ZBED4: variants seen among roughly 807,000 people sequenced by gnomAD.
The protein encoded by ZBED4 is zinc finger BED-type containing 4.
In ZBED4, 4 loss-of-function variants were observed where a neutral mutation model predicts 15.5. The observed-to-expected ratio is 0.26, with a 90% CI of 0.13 to 0.59. The LOEUF (loss-of-function observed/expected upper bound fraction) is 0.59, where lower values mean the gene tolerates loss of function less well. ZBED4 is among the 20% of genes least tolerant of loss of function. The probability of loss-of-function intolerance (pLI) is 0.90; values close to 1 mark genes in which losing one functional copy is unlikely to be tolerated. For synonymous variants in ZBED4, 692 were observed against 608.5 expected, an observed-to-expected ratio of 1.14 and a Z score of -2.02; for missense variants, 1,323 against 1,461.8, an observed-to-expected ratio of 0.91 and a Z score of 1.55.
At chr22:49,867,717 A>G (rs903431273) in intron 1 of ZBED4, among the ~76,000 whole-genome samples, 3 of 151,832 alleles carry the variant, frequency 2.0e-5, no homozygotes, top group South Asian at 4.1e-4. Flanking sequence ...CAGCTGCCAG[A>G]TCTAATACCA....
intron 1 of ZBED4, among the ~76,000 whole-genome samples, chr22:49,875,582 G>A (rs1401516149): frequency 1.3e-5 from 2 of 151,590 alleles, no homozygotes; most frequent in Admixed American, 6.6e-5. Flanking sequence ...CACCACGCCC[G>A]GCTAATTTTT....
intron 1 of ZBED4, among the ~76,000 whole-genome samples, chr22:49,855,581 GGT>G (rs143552178): frequency 1.3e-5 from 2 of 151,566 alleles, no homozygotes; most frequent in Admixed American, 6.6e-5. Flanking sequence ...TTTAGCGAAA[GGT>G]GTGTGTGTGT....
intron 1 of ZBED4, among the ~76,000 whole-genome samples, chr22:49,863,424 T>G (rs2060306390): frequency 6.6e-6 from 1 of 152,118 alleles, no homozygotes; most frequent in African/African-American, 2.4e-5. Context: ...GTCAAGAGAT[T>G]GATACCATCC....
chr22:49,885,405 C>T lies in ZBED4; in HGVS notation c.1743C>T (p.His581=). 1 of 1,605,654 alleles carries T rather than the reference C, an allele frequency of 6.2e-7. No homozygotes were observed. Among genetic ancestry groups the T allele is most frequent in the Non-Finnish European group, 8.5e-7 (1 of 1,173,280 alleles). Residue 581 remains histidine (H), a synonymous_variant, in exon 2 of 2, where the codon CAC becomes CAT. Transcript: ENST00000216268. ...ACTCCACAAAAGTCGTGTGCTTGCA[C>T]TGTGGCCGGACCATCAGCCGGGGGA... ...SADSTKVVCL[H]CGRTISRGKK...
intron 1 of ZBED4, among the ~76,000 whole-genome samples, chr22:49,855,240 T>G (rs528990934): frequency 7.9e-5 from 12 of 152,308 alleles, no homozygotes; most frequent in South Asian, 4.1e-4. Context: ...CTGTGAATCT[T>G]GAAAAAGCTT....
intron 1 of ZBED4, among the ~76,000 whole-genome samples, chr22:49,875,418 C>CTG (rs2060371166): frequency 6.9e-6 from 1 of 145,174 alleles, no homozygotes; most frequent in South Asian, 2.2e-4. Flanking sequence ...AATTTATTTT[C>CTG]TTTTTTTTTT....
At chr22:49,859,452 C>T (rs552943706) in intron 1 of ZBED4, among the ~76,000 whole-genome samples, 103 of 152,266 alleles carry the variant, frequency 6.8e-4, no homozygotes, top group Non-Finnish European at 1.3e-3. Flanking sequence ...CTTTTCACTC[C>T]ATACGTGGTC....
In ZBED4 at chr22:49,883,498, A is replaced by AT. The variant is rs2060420027; in HGVS notation, c.-163dup. ...TATGCTGTAAGACCATGAGTCACAG[A>AT]TTCTTTTTTTCAGTACTATTTATGA... On this transcript the variant is annotated 5_prime_UTR_variant, in exon 2 of 2. It introduces an in-frame stop codon into an upstream open reading frame of the 5' UTR. Transcript: ENST00000216268. The AT allele has an allele frequency of 4.1e-6, 4 of 969,458 alleles. No homozygotes were observed. Among genetic ancestry groups the AT allele is most frequent in the Non-Finnish European group, 5.8e-6 (4 of 690,618 alleles). The allele number at this position is 969,458 out of a possible 1,614,324, so 60.1% of individuals were successfully genotyped here.
rs190079450 is a variant in ZBED4 at position 49,873,191 on chromosome 22, G to A, written c.-329-10143G>A. On this transcript the variant is annotated intron_variant, in intron 1 of 1. Transcript: ENST00000216268. ...TGGCTGTTGGTACAAGAGTCCTAGC[G>A]TTGGCCTCTCTCAGCTTTAGACGTG... is the stretch of plus-strand genomic sequence containing the variant. Among the ~76,000 whole-genome samples, 59 of 152,296 alleles carry A rather than the reference G, an allele frequency of 3.9e-4. 1 individual carries two copies. The South Asian group carries it at 4.3e-3, about 11-fold the overall frequency.
rs1445391393 is a variant in ZBED4, at chr22:49,885,906, C to T, written c.2244C>T (p.Ala748=). 5 of 1,016,660 alleles carry T rather than the reference C, an allele frequency of 4.9e-6. No homozygotes were observed. Among genetic ancestry groups the T allele is most frequent in the Non-Finnish European group, 6.1e-6 (4 of 653,638 alleles). 63.0% of individuals were successfully genotyped at this position (1,016,660 alleles called of 1,614,324 possible). A position where few individuals can be genotyped will look rare whatever the true frequency, so the allele number is the denominator to read the frequency against. The stretch of plus-strand genomic sequence containing the variant: ...CCCGTGAGTACCTGACCCTCACGGC[C>T]CACTGGGTTTCCTTCGAGTCGCCAG... ...NQTREYLTLT[A]HWVSFESPAR... The change falls in exon 2 of 2, where the codon GCC becomes GCT. Residue 748 remains alanine, a synonymous_variant. Transcript: ENST00000216268.
chr22:49,860,897 G>C (rs977392106), intron 1 of ZBED4, among the ~76,000 whole-genome samples: 1 of 151,478 alleles, frequency 6.6e-6, no homozygotes, highest in African/African-American at 2.4e-5. Flanking sequence ...TCCTGCCTCA[G>C]CCTCCCGAGT....
intron 1 of ZBED4, among the ~76,000 whole-genome samples, chr22:49,869,582 C>T (rs2060337400): frequency 6.6e-6 from 1 of 152,186 alleles, no homozygotes; most frequent in African/African-American, 2.4e-5. Context: ...TTGAAGATGT[C>T]ATTCCTCTGT....
chr22:49,883,539 G>C lies in ZBED4; in HGVS notation c.-124G>C, dbSNP rs2060420181. On this transcript the variant is annotated 5_prime_UTR_variant, in exon 2 of 2. Transcript: ENST00000216268. ...CTATTTATGATTAGCCATATTTCTA[G>C]AAACATCCTGAAAGATGGAATTATG... 7.5e-7 allele frequency: 1 copy of C among 1,325,968 alleles called. No homozygotes were observed. The highest frequency in any genetic ancestry group is 1.0e-6 in the Non-Finnish European group (1 of 997,076). The allele number at this position is 1,325,968 out of a possible 1,614,324, so 82.1% of individuals were successfully genotyped here. A position where few individuals can be genotyped will look rare whatever the true frequency, so the allele number is the denominator to read the frequency against.
intron 1 of ZBED4, among the ~76,000 whole-genome samples, chr22:49,876,668 C>T (rs112189132): frequency 0.04 from 6,105 of 152,142 alleles, 172 homozygotes; most frequent in Middle Eastern, 0.085. Context: ...GAATACTCAC[C>T]GGCAGTGCTT....
Position 49,884,765 on chromosome 22 carries a change from A to C in ZBED4, c.1103A>C (p.Glu368Ala). The change falls in exon 2 of 2, where the codon GAG becomes GCG. Residue 368 changes from glutamate (E) to alanine (A), a missense_variant. Physicochemically the swap from Glu to Ala is moderately radical, Grantham distance 107. Transcript: ENST00000216268. ...LLPSLLPPEG[E>A]LSSVSSSPVK... is the part of the protein sequence containing the mutation. ...CCTTCCTTGCTGCCGCCGGAGGGGG[A>C]GCTCAGCTCTGTGTCCTCGTCTCCA... The C allele has an allele frequency of 1.9e-6, 3 of 1,596,922 alleles. No individual in the cohort carries two copies. The highest frequency in any genetic ancestry group is 2.6e-6 in the Non-Finnish European group (3 of 1,168,148).
Position 49,884,530 on chromosome 22 carries a change from G to A in ZBED4, c.868G>A (p.Val290Ile), listed in dbSNP as rs1261921027. Residue 290 changes from valine (V) to isoleucine (I), a missense_variant, in exon 2 of 2, where the codon GTC becomes ATC. Val to Ile is a conservative substitution (Grantham distance 29). Coordinates refer to ENST00000216268, the MANE Select transcript of ZBED4 (RefSeq NM_014838.3). ...CTCTGGGTCCAGGAGAAGGTCCGCTGTCTGGAAGCACTTCTACCTGTCGCC... is the reference window on the plus strand; with the variant it reads ...CTCTGGGTCCAGGAGAAGGTCCGCTATCTGGAAGCACTTCTACCTGTCGCC... ...STSGSRRRSA[V>I]WKHFYLSPLD... 1 of 1,614,134 alleles carries A rather than the reference G, an allele frequency of 6.2e-7. No individual in the cohort carries two copies. Among genetic ancestry groups the A allele is most frequent in the Non-Finnish European group, 8.5e-7 (1 of 1,180,008 alleles).
chr22:49,857,126 C>A (rs571362938), intron 1 of ZBED4, among the ~76,000 whole-genome samples: 1 of 152,364 alleles, frequency 6.6e-6, no homozygotes, highest in South Asian at 2.1e-4. Context: ...CGAGGCCCAC[C>A]TGGTGGTCTC....
rs1363339143 is a variant in ZBED4, at chr22:49,883,378, G to C, written c.-285G>C. ...TGTATGCTCTCAAGATGATCAGGCA[G>C]ATCCTGTCCTCAGGACCAGAAGCAC... On this transcript the variant is annotated 5_prime_UTR_variant, in exon 2 of 2. Transcript: ENST00000216268. 11 of 289,936 alleles carry C rather than the reference G, an allele frequency of 3.8e-5. No individual in the cohort carries two copies. In the East Asian group the frequency reaches 5.7e-4, roughly 15 times the overall value. The allele number at this position is 289,936 out of a possible 1,614,324, so 18.0% of individuals were successfully genotyped here.
Position 49,885,200 on chromosome 22 carries a change from A to C in ZBED4, c.1538A>C (p.Lys513Thr). The change falls in exon 2 of 2, where the codon AAG (lysine) becomes ACG (threonine). Residue 513 changes from lysine to threonine, a missense_variant. By Grantham distance (78) the Lys-to-Thr change is moderately conservative. Around this residue, in one of 6 missense-constraint regions of ZBED4, gnomAD observed 429 missense variants for 397.9 expected, o/e 1.08. Coordinates refer to ENST00000216268, the MANE Select transcript of ZBED4 (RefSeq NM_014838.3). ...RRHPEVVGSQ[K>T]GFLGASLANS... ...CATCCAGAAGTTGTCGGGAGCCAGA[A>C]GGGCTTCCTGGGTGCAAGTCTGGCA... The C allele has an allele frequency of 6.2e-7, 1 of 1,614,010 alleles. No homozygotes were observed. Among genetic ancestry groups the C allele is most frequent in the Non-Finnish European group, 8.5e-7 (1 of 1,179,958 alleles).
Sources: gnomAD v4.1 joint callset for allele counts (sites outside exome capture counted in the v4.1 genomes callset) on GRCh38, gnomAD v4.1.1 for gene constraint, gnomAD v4.1.1 regional missense constraint, MANE v1.5 for transcripts, NCBI Gene and HGNC (gene_info 2026-07-23, HGNC 2026-07-21) for gene names.